TRPV1: variants seen among roughly 807,000 people sequenced by gnomAD.
TRPV1 encodes the protein transient receptor potential cation channel subfamily V member 1.
A neutral mutation model predicts 82.3 loss-of-function variants in TRPV1; 82 were observed. The observed-to-expected ratio is 1.00, with a 90% CI of 0.83 to 1.20. The LOEUF (loss-of-function observed/expected upper bound fraction) is 1.20, where lower values mean the gene tolerates loss of function less well. Ranked by LOEUF, TRPV1 falls within the 50% of genes most tolerant of loss-of-function variation. The pLI is 0.00. For missense variants in TRPV1, 1,067 were observed against 1,096.8 expected (o/e 0.97, Z 0.38); for synonymous variants, 515 against 467.7 (o/e 1.10, Z -1.30).
chr17:3,581,913 A>G (rs224527), intron 10 of TRPV1, among the ~76,000 whole-genome samples: 136,551 of 137,566 alleles, frequency 0.99, 67,772 homozygotes, highest in East Asian at 1. Context: ...CAATGGGGCC[A>G]GGCACAGTGG....
At chr17:3,580,043 C>T (rs1354546744) in intron 11 of TRPV1, among the ~76,000 whole-genome samples, 2 of 151,442 alleles carry the variant, frequency 1.3e-5, no homozygotes, top group African/African-American at 4.9e-5. Flanking sequence ...GCCCCGCCCC[C>T]CAACCACCAC....
chr17:3,603,601 G>A (rs1400059136), intron 2 of TRPV1, among the ~76,000 whole-genome samples: 1 of 152,166 alleles, frequency 6.6e-6, no homozygotes, highest in Non-Finnish European at 1.5e-5. Context: ...TGGGCTCTGA[G>A]CCTGGTAAAG....
At chr17:3,572,695 C>T (rs1456411368) in intron 14 of TRPV1, among the ~76,000 whole-genome samples, 1 of 151,882 alleles carries the variant, frequency 6.6e-6, no homozygotes, top group Admixed American at 6.6e-5. Context: ...AAAAACGGAA[C>T]AGTATAGCCA....
rs1345233833 is a variant in TRPV1 at position 3,566,016 on chromosome 17, A to T, written c.*799T>A. 6.6e-6 allele frequency: 1 copy of T among 150,400 alleles called. No homozygotes were observed. The highest frequency in any genetic ancestry group is 2.0e-4 in the East Asian group (1 of 5,112). The allele number at this position is 150,400 out of a possible 1,614,324, so 9.3% of individuals were successfully genotyped here. On this transcript the variant is annotated 3_prime_UTR_variant, in exon 17 of 17. Coordinates refer to ENST00000572705, the MANE Select transcript of TRPV1 (RefSeq NM_080704.4). ...GTGAAACCCCGTCTCTATTAAAAAT[A>T]CAAAAATTAGCCGGGCGTGGTAGTG...
At chr17:3,607,254 G>A (rs1478132075) in intron 2 of TRPV1, among the ~76,000 whole-genome samples, 1 of 151,956 alleles carries the variant, frequency 6.6e-6, no homozygotes, top group African/African-American at 2.4e-5. Context: ...TGAGGTACAA[G>A]AATTGCTTGA....
chr17:3,594,843 G>A (rs751013954), intron 2 of TRPV1, among the ~76,000 whole-genome samples: 12 of 152,128 alleles, frequency 7.9e-5, no homozygotes, highest in Non-Finnish European at 1.6e-4. Context: ...AGTTGGTGAT[G>A]GATGAGCTGA....
intron 2 of TRPV1, chr17:3,602,408 TC>T (rs2075270160): frequency 6.6e-6 from 1 of 152,226 alleles, no homozygotes; most frequent in Non-Finnish European, 1.5e-5. Context: ...ACTAAAACTC[TC>T]GACATGGTGG....
At chr17:3,606,628 G>A (rs547795195) in intron 2 of TRPV1, among the ~76,000 whole-genome samples, 118 of 152,306 alleles carry the variant, frequency 7.7e-4, no homozygotes, top group Middle Eastern at 6.8e-3. Context: ...AGGGTGGGTT[G>A]TGCACGTGGT....
At position 3,591,189 on chromosome 17, in the gene TRPV1, T is replaced by G. The variant is rs200033715; in HGVS notation, c.449A>C (p.Lys150Thr). The G allele has an allele frequency of 8.1e-6, 13 of 1,609,220 alleles. No homozygotes were observed. The highest frequency in any genetic ancestry group is 1.1e-5 in the Non-Finnish European group (13 of 1,177,980). ...CCCGAGCCCAGCGCTGGGGCCACCT[T>G]TGAACTCGTTGTCTGTGAGGTGCTT... ...SKKHLTDNEF[K>T]DPETGKTCLL... Residue 150 changes from lysine to threonine, a missense_variant and splice_region_variant, in exon 4 of 17, where the codon AAA (lysine) becomes ACA (threonine). Lys to Thr is a moderately conservative substitution (Grantham distance 78, BLOSUM62 -1). Transcript: ENST00000572705.
chr17:3,590,752 A>C (rs1057112414), intron 5 of TRPV1, among the ~76,000 whole-genome samples: 22 of 152,256 alleles, frequency 1.4e-4, no homozygotes, highest in South Asian at 4.1e-4. Context: ...GAGAGGAGAC[A>C]TCAGATCGGG....
intron 16 of TRPV1, 96 bp downstream of exon 16, chr17:3,571,428 G>A: frequency 1.0e-6 from 1 of 986,628 alleles, no homozygotes; most frequent in African/African-American, 1.6e-5. Flanking sequence ...GGGGGGATGA[G>A]GAACCCGGCA....
At chr17:3,584,205 G>A (rs547232979) in intron 9 of TRPV1, among the ~76,000 whole-genome samples, 97 of 151,872 alleles carry the variant, frequency 6.4e-4, no homozygotes, top group African/African-American at 2.2e-3. Context: ...CAGAGGTTGC[G>A]GTGAGCCAAG....
chr17:3,586,557 A>G (rs183021569), intron 8 of TRPV1, among the ~76,000 whole-genome samples: 3 of 152,334 alleles, frequency 2.0e-5, no homozygotes, highest in African/African-American at 7.2e-5. Context: ...GGATCACTTG[A>G]AGTCTGGAGT....
At chr17:3,567,291 C>G (rs779115701) in intron 16 of TRPV1, among the ~76,000 whole-genome samples, 5 of 144,484 alleles carry the variant, frequency 3.5e-5, no homozygotes, top group Non-Finnish European at 7.5e-5. Flanking sequence ...ATCACTTGAA[C>G]CTGGGAGGCA....
chr17:3,590,908 C>CA lies in TRPV1; in HGVS notation c.604+55_604+56insT, dbSNP rs1426038500. 2.7e-6 allele frequency: 4 copies of CA among 1,507,368 alleles called. No homozygotes were observed. The Admixed American group carries it at 6.5e-5, about 24-fold the overall frequency. 93.4% of individuals were successfully genotyped at this position (1,507,368 alleles called of 1,614,324 possible). ...AAGGAGGCCCAGGGACAACCATGCCCCCCTGCTTCCCGGTGCTGCGGGCTG... is the reference window on the plus strand; with the variant it reads ...AAGGAGGCCCAGGGACAACCATGCCCACCCTGCTTCCCGGTGCTGCGGGCTG... On this transcript the variant is annotated intron_variant, in intron 5 of 16. Coordinates refer to ENST00000572705, the MANE Select transcript of TRPV1 (RefSeq NM_080704.4).
chr17:3,577,255 C>G, intron 12 of TRPV1, 63 bp from the exon 13 acceptor site: 1 of 1,521,282 alleles, frequency 6.6e-7, no homozygotes, highest in Non-Finnish European at 8.9e-7. Flanking sequence ...AGGGAAGGGC[C>G]GGGCCGCATC....
rs201022949 is a variant in TRPV1 at position 3,585,861 on chromosome 17, G to A, written c.1290C>T (p.Phe430=). ...AGTTGAAGTAGAAGATGCGCTTGACGAATCTGTCCCACTTGTCCTGCAGGA... is the reference window on the plus strand; with the variant it reads ...AGTTGAAGTAGAAGATGCGCTTGACAAATCTGTCCCACTTGTCCTGCAGGA... ...NRLLQDKWDR[F]VKRIFYFNFL... The change falls in exon 9 of 17, where the codon TTC becomes TTT. Residue 430 remains phenylalanine (F), a synonymous_variant. Coordinates refer to ENST00000572705, the MANE Select transcript of TRPV1 (RefSeq NM_080704.4). 3.0e-5 allele frequency: 48 copies of A among 1,614,006 alleles called. No individual in the cohort carries two copies. The highest frequency in any genetic ancestry group is 3.3e-4 in the Middle Eastern group (2 of 6,062).
chr17:3,582,002 A>G (rs1280965622), intron 10 of TRPV1, among the ~76,000 whole-genome samples: 1 of 147,484 alleles, frequency 6.8e-6, no homozygotes, highest in Admixed American at 6.9e-5. Flanking sequence ...CATCCTGGCT[A>G]ACACGGTGAA....
Position 3,571,556 on chromosome 17 carries a change from C to A in TRPV1, c.2315G>T (p.Arg772Leu). The A allele has an allele frequency of 6.2e-7, 1 of 1,610,502 alleles. No homozygotes were observed. The highest frequency in any genetic ancestry group is 8.5e-7 in the Non-Finnish European group (1 of 1,178,496). The change falls in exon 16 of 17, where the codon CGC becomes CTC. Residue 772 changes from arginine to leucine, a missense_variant. Arg to Leu is a moderately radical substitution (Grantham distance 102). Transcript: ENST00000572705. ...TGACCGCAGGGAGAAGCTCAGGGTG[C>A]GCTTGACGCCCTCACAGTTGCCCGG... is the stretch of plus-strand genomic sequence containing the variant. ...EDPGNCEGVK[R>L]TLSFSLRSSR...
Sources: allele counts gnomAD v4.1 joint callset (sites outside exome capture counted in the v4.1 genomes callset), GRCh38; gene constraint gnomAD v4.1.1; transcripts MANE v1.5; gene names NCBI Gene and HGNC (gene_info 2026-07-23, HGNC 2026-07-21).